The following RANBP3L variants were observed in gnomAD, a reference collection of about 807,000 sequenced individuals.
The protein encoded by RANBP3L is ran-binding protein 3-like.
RANBP3L carries 56 observed loss-of-function variants against 67.2 expected under a neutral mutation model. That is an observed-to-expected ratio of 0.83 (90% CI 0.67 to 1.04). RANBP3L has a LOEUF of 1.04. Ranked by LOEUF, RANBP3L falls within the 50% of genes least tolerant of loss-of-function variation. The pLI, the probability that RANBP3L is intolerant of heterozygous loss-of-function variation, is 0.00. For missense variants in RANBP3L, 496 were observed against 535.5 expected, an observed-to-expected ratio of 0.93 and a Z score of 0.73; for synonymous variants, 164 against 181.4, an observed-to-expected ratio of 0.90 and a Z score of 0.77.
At chr5:36,284,798 T>C (rs1317858964) in intron 1 of RANBP3L, among the ~76,000 whole-genome samples, 1 of 152,224 alleles carries the variant, frequency 6.6e-6, no homozygotes, top group Non-Finnish European at 1.5e-5. Context: ...TTTGCAACTG[T>C]TTCTTTTCCA....
intron 1 of RANBP3L, among the ~76,000 whole-genome samples, chr5:36,292,686 G>C (rs1229926391): frequency 6.6e-6 from 1 of 151,602 alleles, no homozygotes; most frequent in Non-Finnish European, 1.5e-5. Context: ...GTTTTTCTCA[G>C]GTTTGTCAAA....
chr5:36,268,167 T>G (rs1231812287), intron 4 of RANBP3L: 1 of 1,436,534 alleles, frequency 7.0e-7, no homozygotes, highest in Admixed American at 2.4e-5. Context: ...AGTGTCAGGC[T>G]TGAGGTTCTA....
chr5:36,295,654 CCAA>C (rs1002213678), intron 1 of RANBP3L, among the ~76,000 whole-genome samples: 4 of 149,136 alleles, frequency 2.7e-5, no homozygotes, highest in Non-Finnish European at 5.9e-5. Flanking sequence ...CACATTCTCA[CCAA>C]CATTTGTTAT....
At chr5:36,266,902 G>T (rs776904207) in intron 4 of RANBP3L, among the ~76,000 whole-genome samples, 4 of 152,034 alleles carry the variant, frequency 2.6e-5, no homozygotes, top group Non-Finnish European at 4.4e-5. Flanking sequence ...AACTACAGGC[G>T]TGCAACACCA....
At chr5:36,252,354 T>G (rs1748654291) in intron 12 of RANBP3L, among the ~76,000 whole-genome samples, 1 of 152,068 alleles carries the variant, frequency 6.6e-6, no homozygotes, top group Non-Finnish European at 1.5e-5. Flanking sequence ...TTTTGAAGAA[T>G]AAACTAATGT....
intron 12 of RANBP3L, among the ~76,000 whole-genome samples, chr5:36,253,210 A>G (rs192684023): frequency 6.6e-6 from 1 of 152,000 alleles, no homozygotes; most frequent in Non-Finnish European, 1.5e-5. Flanking sequence ...TGGTTGTTTT[A>G]ACTTGCTAGC....
intron 12 of RANBP3L, among the ~76,000 whole-genome samples, chr5:36,253,258 G>T (rs1385703572): frequency 6.6e-6 from 1 of 152,000 alleles, no homozygotes. Flanking sequence ...CTTTTCCAGT[G>T]ACCTAAAGGC....
chr5:36,277,430 A>C (rs550366032), intron 1 of RANBP3L, among the ~76,000 whole-genome samples: 15 of 95,872 alleles, frequency 1.6e-4, no homozygotes, highest in African/African-American at 4.9e-4. Context: ...CTCTATATAT[A>C]TATATATATA....
chr5:36,253,558 T>G (rs1419483022), intron 12 of RANBP3L, 89 bp downstream of exon 12: 6 of 1,068,576 alleles, frequency 5.6e-6, no homozygotes, highest in Non-Finnish European at 7.0e-6. Flanking sequence ...TGGTACAGAT[T>G]ATTATACCTA....
chr5:36,253,558 T>A, intron 12 of RANBP3L, 89 bp downstream of exon 12: 1 of 1,068,694 alleles, frequency 9.4e-7, no homozygotes, highest in South Asian at 1.4e-5. Context: ...TGGTACAGAT[T>A]ATTATACCTA....
At chr5:36,299,357 GT>G (rs1194765034) in intron 1 of RANBP3L, among the ~76,000 whole-genome samples, 1 of 146,928 alleles carries the variant, frequency 6.8e-6, no homozygotes, top group Admixed American at 6.6e-5. Flanking sequence ...GTGTGTGTGT[GT>G]GTGTGTGTAT....
Position 36,249,685 on chromosome 5 carries a change from C to A in RANBP3L, c.1367G>T (p.Trp456Leu). The change falls in exon 14 of 14, where the codon TGG (tryptophan) becomes TTG (leucine). Residue 456 changes from tryptophan (W) to leucine (L), a missense_variant. Transcript: ENST00000296604. Reference sequence around the variant, plus strand: ...ACAGGCAACCGACTGTCTGTGAGTCCAACTAGAAGGATCTGTGATATAAAT... The same window carrying A: ...ACAGGCAACCGACTGTCTGTGAGTCAAACTAGAAGGATCTGTGATATAAAT... The part of the protein sequence containing the change: ...VTKNGSDPSS[W>L]THRQSVACS 1 of 1,544,432 alleles carries A rather than the reference C, an allele frequency of 6.5e-7. No homozygotes were observed. The highest frequency in any genetic ancestry group is 8.9e-7 in the Non-Finnish European group (1 of 1,129,476).
In RANBP3L at chr5:36,290,969, C is replaced by G. The variant is rs375547015; in HGVS notation, c.91+10357G>C. On this transcript the variant is annotated intron_variant, in intron 1 of 13. Coordinates refer to ENST00000296604, the MANE Select transcript of RANBP3L (RefSeq NM_145000.5). ...CCATGTTGGCCAGGATGGTCTCGATCTCCTGACCTCATGATCCACCTGCCT... is the reference window on the plus strand; with the variant it reads ...CCATGTTGGCCAGGATGGTCTCGATGTCCTGACCTCATGATCCACCTGCCT... Among the ~76,000 whole-genome samples, 19 of 147,014 alleles carry G rather than the reference C, an allele frequency of 1.3e-4. No homozygotes were observed. The East Asian group carries it at 2.2e-3, about 17-fold the overall frequency.
chr5:36,289,682 G>T (rs1293170627), intron 1 of RANBP3L, among the ~76,000 whole-genome samples: 2 of 151,996 alleles, frequency 1.3e-5, no homozygotes, highest in African/African-American at 4.8e-5. Context: ...TCCACTTGTT[G>T]TCAGCTAATA....
chr5:36,265,380 TATA>T (rs1749688016), intron 5 of RANBP3L, 66 bp downstream of exon 5: 1 of 1,022,260 alleles, frequency 9.8e-7, no homozygotes, highest in Non-Finnish European at 1.5e-6. Context: ...CACGCACACA[TATA>T]GGGAGATGAA....
intron 1 of RANBP3L, among the ~76,000 whole-genome samples, chr5:36,295,147 T>C (rs371583142): frequency 4.1e-4 from 62 of 152,182 alleles, no homozygotes; most frequent in African/African-American, 1.4e-3. Flanking sequence ...TATCCAGAAG[T>C]AAAATTGCAG....
chr5:36,274,718 A>G (rs1750452376), intron 1 of RANBP3L, among the ~76,000 whole-genome samples: 1 of 152,052 alleles, frequency 6.6e-6, no homozygotes, highest in South Asian at 2.1e-4. Flanking sequence ...ATTTGCTTTG[A>G]TATGCATTTT....
chr5:36,296,589 C>A (rs1040982880), intron 1 of RANBP3L, among the ~76,000 whole-genome samples: 2 of 152,082 alleles, frequency 1.3e-5, no homozygotes, highest in African/African-American at 2.4e-5. Flanking sequence ...AACTGTGTAA[C>A]CTTGGAAGAG....
At chr5:36,274,185 T>C (rs183751115) in intron 1 of RANBP3L, among the ~76,000 whole-genome samples, 12 of 152,330 alleles carry the variant, frequency 7.9e-5, no homozygotes, top group Middle Eastern at 3.4e-3. Flanking sequence ...ATTTAATTTT[T>C]CTAAACTTTT....
Sources: gnomAD v4.1 joint callset for allele counts (sites outside exome capture counted in the v4.1 genomes callset) on GRCh38, gnomAD v4.1.1 for gene constraint, MANE v1.5 for transcripts, NCBI Gene and HGNC (gene_info 2026-07-23, HGNC 2026-07-21) for gene names.